The following KIF22 variants were observed in gnomAD, a reference collection of about 807,000 sequenced individuals.
KIF22 encodes the protein kinesin family member 22.
A neutral mutation model predicts 73.0 loss-of-function variants in KIF22; 62 were observed. That is an observed-to-expected ratio of 0.85 (90% CI 0.69 to 1.05). The LOEUF is 1.05. Among genes scored for constraint, KIF22 ranks in the 50% least tolerant of loss-of-function variants. The pLI, the probability that KIF22 is intolerant of heterozygous loss-of-function variation, is 0.00. For missense variants in KIF22, 854 were observed against 870.1 expected, an observed-to-expected ratio of 0.98 and a Z score of 0.23; for synonymous variants, 411 against 340.1, an observed-to-expected ratio of 1.21 and a Z score of -2.29.
At chr16:29,802,494 CTT>C (rs1372636183) in intron 8 of KIF22, among the ~76,000 whole-genome samples, 1 of 152,062 alleles carries the variant, frequency 6.6e-6, no homozygotes. Context: ...ATTATGGTCT[CTT>C]GATTTCCTCA....
intron 11 of KIF22, chr16:29,804,494 T>C: frequency 1.5e-6 from 1 of 649,416 alleles, no homozygotes; most frequent in South Asian, 1.5e-5. Flanking sequence ...AGACAGCTTA[T>C]TCTTTCCCTT....
At chr16:29,793,657 G>A (rs141605317) in intron 1 of KIF22, among the ~76,000 whole-genome samples, 2,771 of 152,190 alleles carry the variant, frequency 0.018, 32 homozygotes, top group Non-Finnish European at 0.025. Flanking sequence ...TACAACTTGA[G>A]GGTGAGGGTG....
chr16:29,802,389 G>A (rs145825152), intron 8 of KIF22, among the ~76,000 whole-genome samples: 1,887 of 152,022 alleles, frequency 0.012, 42 homozygotes, highest in African/African-American at 0.043. Context: ...TGAGGTCTTC[G>A]GTGGATTTCA....
intron 1 of KIF22, chr16:29,791,275 C>T (rs964888767): frequency 2.0e-6 from 2 of 1,000,610 alleles, no homozygotes; most frequent in East Asian, 1.0e-4. Context: ...GCAGAGACAT[C>T]CCTGAGAGAT....
Position 29,794,585 on chromosome 16 carries a change from A to T in KIF22, c.71-2308A>T, listed in dbSNP as rs539857781. ...ACTTTATCTGGCACTTATTTCAATT[A>T]TCTTTTTTTTTTCTGAGACACAGTC... On this transcript the variant is annotated intron_variant, in intron 1 of 13. Transcript: ENST00000160827. Among the ~76,000 whole-genome samples, 3 of 151,978 alleles carry T rather than the reference A, an allele frequency of 2.0e-5. No homozygotes were observed. The East Asian group carries it at 5.8e-4, about 29-fold the overall frequency.
At chr16:29,791,864 C>A (rs1380432326) in intron 1 of KIF22, among the ~76,000 whole-genome samples, 1 of 152,166 alleles carries the variant, frequency 6.6e-6, no homozygotes, top group South Asian at 2.1e-4. Context: ...CTCCCCTTAC[C>A]CTTCGAAGAT....
intron 8 of KIF22, 70 bp downstream of exon 8, chr16:29,800,118 C>T (rs1399002040): frequency 1.3e-6 from 2 of 1,500,350 alleles, no homozygotes; most frequent in African/African-American, 2.8e-5. Context: ...CAATGCCCGT[C>T]AGATCCTTGA....
chr16:29,790,778 A>G lies in KIF22; in HGVS notation c.19A>G (p.Thr7Ala), dbSNP rs746115237. 2.5e-6 allele frequency: 4 copies of G among 1,600,410 alleles called. No individual in the cohort carries two copies. The highest frequency in any genetic ancestry group is 2.6e-6 in the Non-Finnish European group (3 of 1,173,730). The change falls in exon 1 of 14, where the codon ACG becomes GCG. Residue 7 changes from threonine (T) to alanine (A), a missense_variant. Thr to Ala is a moderately conservative substitution (Grantham distance 58). This residue lies in a region of KIF22 where 186 missense variants were observed against 152.9 expected (regional missense o/e 1.22). Coordinates refer to ENST00000160827, the MANE Select transcript of KIF22 (RefSeq NM_007317.3). MAAGGS[T>A]QQRRREMAAA... ...GAGTGGAATGGCCGCGGGCGGCTCG[A>G]CGCAGCAGAGGCGACGCGAGATGGC... is the stretch of plus-strand genomic sequence containing the variant.
chr16:29,798,944 G>A lies in KIF22; in HGVS notation c.550-31G>A, dbSNP rs750713541. ...CAGGAAGAAACAGCCTCTCTATGGA[G>A]AATTGCCCTTCCCCTTCACTGCTTA... On this transcript the variant is annotated intron_variant, in intron 4 of 13. Coordinates refer to ENST00000160827, the MANE Select transcript of KIF22 (RefSeq NM_007317.3). The surrounding 1 kb of genome is among the most constrained non-coding windows in gnomAD (Gnocchi z 4.1). 12 of 1,604,490 alleles carry A rather than the reference G, an allele frequency of 7.5e-6. No homozygotes were observed. Among genetic ancestry groups the A allele is most frequent in the Non-Finnish European group, 1.0e-5 (12 of 1,171,440 alleles).
rs550820510 is a variant in KIF22, at chr16:29,804,493, A to C, written c.1678-321A>C. The C allele has an allele frequency of 4.9e-5, 32 of 650,904 alleles. No individual in the cohort carries two copies. The East Asian group carries it at 8.5e-4, about 17-fold the overall frequency. 40.3% of individuals were successfully genotyped at this position (650,904 alleles called of 1,614,324 possible). ...CCATGTACTTTTTGAAAGACAGCTT[A>C]TTCTTTCCCTTTTAGAGATGAGGGA... On this transcript the variant is annotated intron_variant, in intron 11 of 13. Coordinates refer to ENST00000160827, the MANE Select transcript of KIF22 (RefSeq NM_007317.3).
intron 1 of KIF22, chr16:29,791,145 C>G: frequency 7.8e-7 from 1 of 1,278,134 alleles, no homozygotes; most frequent in Non-Finnish European, 9.9e-7. Context: ...ATGGCCTCAT[C>G]CCTGGAGATC....
At chr16:29,805,064 G>A (rs1221584279) in intron 12 of KIF22, 38 bp downstream of exon 12, 1 of 1,609,764 alleles carries the variant, frequency 6.2e-7, no homozygotes, top group Non-Finnish European at 8.5e-7. Flanking sequence ...CGGGGGCGGG[G>A]GAGACCGGGT....
In KIF22 at chr16:29,804,882, G is replaced by A; in HGVS notation, c.1746G>A (p.Pro582=). 1.2e-6 allele frequency: 2 copies of A among 1,613,930 alleles called. No homozygotes were observed. Among genetic ancestry groups the A allele is most frequent in the African/African-American group, 1.3e-5 (1 of 75,050 alleles). Reference sequence around the variant, plus strand: ...ACTGCTGGGAGCTACAGATCAGCCCGGAGCTACTGGCTCATGGGCGCCAAA... The same window carrying A: ...ACTGCTGGGAGCTACAGATCAGCCCAGAGCTACTGGCTCATGGGCGCCAAA... ...AEDCWELQIS[P]ELLAHGRQKI... The change falls in exon 12 of 14, where the codon CCG becomes CCA. Residue 582 remains proline (P), a synonymous_variant. Transcript: ENST00000160827.
At chr16:29,792,573 C>G (rs957596310) in intron 1 of KIF22, 1 of 173,446 alleles carries the variant, frequency 5.8e-6, no homozygotes, top group Non-Finnish European at 1.1e-5. Context: ...GTGACAAACA[C>G]GCAATAGTGG....
chr16:29,794,632 A>G (rs1255365872), intron 1 of KIF22, among the ~76,000 whole-genome samples: 1 of 151,914 alleles, frequency 6.6e-6, no homozygotes, highest in East Asian at 1.9e-4. Flanking sequence ...CCCAGGCTGG[A>G]GTGCAGTGGC....
intron 1 of KIF22, chr16:29,791,340 C>A: frequency 4.8e-6 from 3 of 627,826 alleles, no homozygotes; most frequent in Non-Finnish European, 6.0e-6. Context: ...GAGTTGGCAG[C>A]GTAAGATGCT....
chr16:29,793,719 G>C (rs1340562884), intron 1 of KIF22, among the ~76,000 whole-genome samples: 1 of 152,074 alleles, frequency 6.6e-6, no homozygotes, highest in Non-Finnish European at 1.5e-5. Context: ...AAATGCACAG[G>C]ACAGCCCCAC....
Position 29,791,303 on chromosome 16 carries a change from G to A in KIF22, c.70+474G>A, listed in dbSNP as rs983384019. 4 of 950,292 alleles carry A rather than the reference G, an allele frequency of 4.2e-6. No individual in the cohort carries two copies. The East Asian group carries it at 3.3e-4, about 79-fold the overall frequency. The allele number at this position is 950,292 out of a possible 1,614,324, so 58.9% of individuals were successfully genotyped here. A position where few individuals can be genotyped will look rare whatever the true frequency, so the allele number is the denominator to read the frequency against. ...TGAGAGATGCAAGAGGACGGGCTGA[G>A]GAACAGACCCGGCTGCTGCTGGGTT... On this transcript the variant is annotated intron_variant, in intron 1 of 13. Coordinates refer to ENST00000160827, the MANE Select transcript of KIF22 (RefSeq NM_007317.3).
Position 29,805,353 on chromosome 16 carries a change from C to G in KIF22, c.*43C>G, listed in dbSNP as rs1023288268. 1.0e-5 allele frequency: 16 copies of G among 1,592,706 alleles called. No homozygotes were observed. The highest frequency in any genetic ancestry group is 1.7e-5 in the Admixed American group (1 of 59,926). ...CGCCTTTTCAAATTTTTGTATAACC[C>G]CGTGTTGTGTAAATACAGTTTTTGC... On this transcript the variant is annotated 3_prime_UTR_variant, in exon 14 of 14. Coordinates refer to ENST00000160827, the MANE Select transcript of KIF22 (RefSeq NM_007317.3).
Sources: allele counts gnomAD v4.1 joint callset (sites outside exome capture counted in the v4.1 genomes callset), GRCh38; gene constraint gnomAD v4.1.1; regional missense constraint gnomAD v4.1.1; non-coding constraint Gnocchi (gnomAD v3.1); transcripts MANE v1.5; gene names NCBI Gene and HGNC (gene_info 2026-07-23, HGNC 2026-07-21).